Variants in DRAXIN observed in about 807,000 individuals in gnomAD.
DRAXIN encodes dorsal repulsive axon guidance protein.
DRAXIN carries 27 observed loss-of-function variants against 33.9 expected under a neutral mutation model. The ratio of observed to expected loss-of-function variants is 0.80; its 90% CI spans 0.59 to 1.10. DRAXIN has a LOEUF of 1.10. Ranked by LOEUF, DRAXIN falls within the 50% of genes least tolerant of loss-of-function variation. DRAXIN has a pLI of 0.00. For missense variants in DRAXIN, 371 were observed against 460.8 expected (o/e 0.81, Z 1.78); for synonymous variants, 178 against 194.0 (o/e 0.92, Z 0.69).
At chr1:11,699,391 C>G (rs527307262) in intron 1 of DRAXIN, among the ~76,000 whole-genome samples, 3 of 152,240 alleles carry the variant, frequency 2.0e-5, no homozygotes, top group African/African-American at 7.2e-5. Flanking sequence ...CACCTTTAAG[C>G]CCTACTTGCG....
intron 2 of DRAXIN, 120 bp from the exon 3 acceptor site, chr1:11,709,155 A>G: frequency 9.2e-7 from 1 of 1,092,422 alleles, no homozygotes; most frequent in South Asian, 1.8e-5. Context: ...GGCTGAACCA[A>G]GGGCTTGTCA....
chr1:11,693,598 T>C lies in DRAXIN; in HGVS notation c.-11+1745T>C, dbSNP rs185558546. On this transcript the variant is annotated intron_variant, in intron 1 of 6. Transcript: ENST00000294485. ...ACAGCCAGGGCTGGCAACTGGAACC[T>C]TTCTCTTTAGAGGCAAGAACGGCTG... 6.0e-4 allele frequency among the ~76,000 whole-genome samples: 91 copies of C among 152,252 alleles called. 1 individual carries two copies. Among genetic ancestry groups the C allele is most frequent in the South Asian group, 3.5e-3 (17 of 4,824 alleles).
Position 11,696,397 on chromosome 1 carries a change from C to A in DRAXIN, c.-11+4544C>A, listed in dbSNP as rs1004024922. Among the ~76,000 whole-genome samples the A allele has an allele frequency of 6.6e-6, 1 of 152,118 alleles. No individual in the cohort carries two copies. Among genetic ancestry groups the A allele is most frequent in the African/African-American group, 2.4e-5 (1 of 41,432 alleles). ...GGTCAGGAGTTCGAGACCAGCCTGG[C>A]CAAGGTGGTAAAACCCCGTCTCTAC... On this transcript the variant is annotated intron_variant, in intron 1 of 6. Coordinates refer to ENST00000294485, the MANE Select transcript of DRAXIN (RefSeq NM_198545.4). The surrounding 1 kb of genome is among the most constrained non-coding windows in gnomAD (Gnocchi z 4.7).
At chr1:11,712,815 A>G (rs547597281) in intron 5 of DRAXIN, among the ~76,000 whole-genome samples, 1 of 151,972 alleles carries the variant, frequency 6.6e-6, no homozygotes, top group African/African-American at 2.4e-5. Flanking sequence ...AGGAGAATCA[A>G]TCGCTTGAAC....
rs562069625 is a variant in DRAXIN at position 11,716,272 on chromosome 1, G to A, written c.937+1064G>A. Among the ~76,000 whole-genome samples the A allele has an allele frequency of 2.4e-4, 37 of 152,270 alleles. No homozygotes were observed. The East Asian group carries it at 6.6e-3, about 27-fold the overall frequency. On this transcript the variant is annotated intron_variant, in intron 6 of 6. Coordinates refer to ENST00000294485, the MANE Select transcript of DRAXIN (RefSeq NM_198545.4). ...TCACTCTGCTTCAATACCAACTCACGGCCAATCTGTGTCTATCATCTCTCA... is the reference window on the plus strand; with the variant it reads ...TCACTCTGCTTCAATACCAACTCACAGCCAATCTGTGTCTATCATCTCTCA...
rs1162566188 is a variant in DRAXIN at position 11,711,905 on chromosome 1, T to C, written c.697T>C (p.Phe233Leu). Residue 233 changes from phenylalanine (F) to leucine (L), a missense_variant, in exon 4 of 7, where the codon TTC becomes CTC. Transcript: ENST00000294485. ...GATGCCCACGCTGGACATGGCCTTGTTCGACTGGACCGATTATGAAGACTT... is the reference window on the plus strand; with the variant it reads ...GATGCCCACGCTGGACATGGCCTTGCTCGACTGGACCGATTATGAAGACTT... ...EVMPTLDMAL[F>L]DWTDYEDLKP... 6.2e-6 allele frequency: 10 copies of C among 1,614,046 alleles called. No individual in the cohort carries two copies. Among genetic ancestry groups the C allele is most frequent in the Non-Finnish European group, 8.5e-6 (10 of 1,179,982 alleles).
In DRAXIN at chr1:11,706,853, G is replaced by A; in HGVS notation, c.451+144G>A. The A allele has an allele frequency of 1.1e-6, 1 of 944,992 alleles. No individual in the cohort carries two copies. The highest frequency in any genetic ancestry group is 1.5e-6 in the Non-Finnish European group (1 of 655,774). 58.5% of individuals were successfully genotyped at this position (944,992 alleles called of 1,614,324 possible). ...ACTGAAGCCAGAGGGACCTGGTAAG[G>A]GGAGGAGGCTGGGAGAGGCCTGGGG... is the stretch of plus-strand genomic sequence containing the variant. On this transcript the variant is annotated intron_variant, in intron 2 of 6. Coordinates refer to ENST00000294485, the MANE Select transcript of DRAXIN (RefSeq NM_198545.4). This position sits in a 1 kb window ranked among gnomAD's most constrained non-coding sequence, Gnocchi z 5.5.
At chr1:11,709,752 G>C (rs1641447510) in intron 3 of DRAXIN, among the ~76,000 whole-genome samples, 1 of 152,252 alleles carries the variant, frequency 6.6e-6, no homozygotes, top group Non-Finnish European at 1.5e-5. Flanking sequence ...TCTGCATGGA[G>C]AGCAGCAAGG....
At chr1:11,691,244 C>T (rs564425494), upstream of DRAXIN, among the ~76,000 whole-genome samples, 26 of 152,184 alleles carry the variant, frequency 1.7e-4, no homozygotes, top group South Asian at 3.9e-3. Context: ...CTGACAGACG[C>T]GGCCGCAGCT....
chr1:11,714,243 G>T (rs1456437729), intron 5 of DRAXIN, among the ~76,000 whole-genome samples: 2 of 152,114 alleles, frequency 1.3e-5, no homozygotes, highest in Non-Finnish European at 2.9e-5. Flanking sequence ...TTTATTTTGG[G>T]GTGGGCTAGG....
In DRAXIN at chr1:11,705,010, C is replaced by T. The variant is rs114104766; in HGVS notation, c.-10-1239C>T. Among the ~76,000 whole-genome samples, 9,056 of 152,216 alleles carry T rather than the reference C, an allele frequency of 0.059. 322 individuals carry two copies. The highest frequency in any genetic ancestry group is 0.092 in the South Asian group (445 of 4,824). On this transcript the variant is annotated intron_variant, in intron 1 of 6. Coordinates refer to ENST00000294485, the MANE Select transcript of DRAXIN (RefSeq NM_198545.4). The surrounding 1 kb of genome is among the most constrained non-coding windows in gnomAD (Gnocchi z 4.8). ...CTGCCCTACCACCCTCCCTCGGGGT[C>T]GGGGCTAAGGTGACACTGGGGTGGG...
intron 5 of DRAXIN, among the ~76,000 whole-genome samples, chr1:11,713,032 T>C (rs920412552): frequency 2.0e-5 from 3 of 151,954 alleles, no homozygotes; most frequent in African/African-American, 4.8e-5. Context: ...ACCCCGTCTC[T>C]ACTAAAAATA....
At position 11,712,448 on chromosome 1, in the gene DRAXIN, A is replaced by G; in HGVS notation, c.847+19A>G. 6.2e-7 allele frequency: 1 copy of G among 1,613,766 alleles called. No homozygotes were observed. The highest frequency in any genetic ancestry group is 8.5e-7 in the Non-Finnish European group (1 of 1,179,816). On this transcript the variant is annotated intron_variant, in intron 5 of 6. Coordinates refer to ENST00000294485, the MANE Select transcript of DRAXIN (RefSeq NM_198545.4). ...CTGCCAGGTACCAGCCAGCACCCAC[A>G]TTCAAGGCACCAGGCTGGGTACTGG...
chr1:11,691,512 G>C (rs1024866710), upstream of DRAXIN: 1 of 151,996 alleles, frequency 6.6e-6, no homozygotes, highest in African/African-American at 2.4e-5. Flanking sequence ...CGCGGCGGCG[G>C]CGCCTAGGCC....
chr1:11,702,193 TACAC>T (rs1641300754), intron 1 of DRAXIN, among the ~76,000 whole-genome samples: 1 of 143,892 alleles, frequency 6.9e-6, no homozygotes. Context: ...TGCTCACACA[TACAC>T]ACATGCTCAC....
rs905904759 is a variant in DRAXIN at position 11,705,247 on chromosome 1, G to A, written c.-10-1002G>A. 6.6e-6 allele frequency among the ~76,000 whole-genome samples: 1 copy of A among 152,212 alleles called. No individual in the cohort carries two copies. The highest frequency in any genetic ancestry group is 1.5e-5 in the Non-Finnish European group (1 of 68,042). On this transcript the variant is annotated intron_variant, in intron 1 of 6. Coordinates refer to ENST00000294485, the MANE Select transcript of DRAXIN (RefSeq NM_198545.4). The surrounding 1 kb of genome is among the most constrained non-coding windows in gnomAD (Gnocchi z 4.8). Reference sequence around the variant, plus strand: ...AGTGCCTAGCTCCAGGATACAGTGAGGTTGGTGCAATGGAGAGGGGTGCGT... The same window carrying A: ...AGTGCCTAGCTCCAGGATACAGTGAAGTTGGTGCAATGGAGAGGGGTGCGT...
chr1:11,692,024 G>T lies in DRAXIN; in HGVS notation c.-11+171G>T, dbSNP rs956327622. ...AGCCCTCGGACCCGTCTATCCGCCAGTCCTTCCGCCGCCTCCTCTCCTCGC... is the reference window on the plus strand; with the variant it reads ...AGCCCTCGGACCCGTCTATCCGCCATTCCTTCCGCCGCCTCCTCTCCTCGC... On this transcript the variant is annotated intron_variant, in intron 1 of 6. Transcript: ENST00000294485. This position sits in a 1 kb window ranked among gnomAD's most constrained non-coding sequence, Gnocchi z 5.8. 6.6e-6 allele frequency among the ~76,000 whole-genome samples: 1 copy of T among 151,958 alleles called. No individual in the cohort carries two copies. Among genetic ancestry groups the T allele is most frequent in the South Asian group, 2.1e-4 (1 of 4,826 alleles).
rs149744476 is a variant in DRAXIN at position 11,706,431 on chromosome 1, G to A, written c.173G>A (p.Arg58His). Reference protein sequence around the residue: ...ALWTPQASHHRRRGPGKKEWG... With the variant: ...ALWTPQASHHHRRGPGKKEWG... ...TGGACGCCTCAGGCCAGCCACCACCGCCGGCGGGGCCCGGGCAAGAAGGAG... is the reference window on the plus strand; with the variant it reads ...TGGACGCCTCAGGCCAGCCACCACCACCGGCGGGGCCCGGGCAAGAAGGAG... Residue 58 changes from arginine to histidine, a missense_variant, in exon 2 of 7, where the codon CGC (arginine) becomes CAC (histidine). Physicochemically the swap from Arg to His is conservative, Grantham distance 29. Coordinates refer to ENST00000294485, the MANE Select transcript of DRAXIN (RefSeq NM_198545.4). The surrounding 1 kb of genome is among the most constrained non-coding windows in gnomAD (Gnocchi z 5.5). The A allele has an allele frequency of 3.8e-4, 619 of 1,611,836 alleles. 7 individuals carry two copies. In the East Asian group the frequency reaches 0.011, roughly 28 times the overall value.
At chr1:11,690,782 T>G (rs1181931155), upstream of DRAXIN, among the ~76,000 whole-genome samples, 1 of 152,044 alleles carries the variant, frequency 6.6e-6, no homozygotes, top group East Asian at 1.9e-4. This position sits in a 1 kb window ranked among gnomAD's most constrained non-coding sequence, Gnocchi z 4.2. Flanking sequence ...TAACCCAGCA[T>G]TCTCAGACTC....
Sources: gnomAD v4.1 joint callset for allele counts (sites outside exome capture counted in the v4.1 genomes callset) on GRCh38, gnomAD v4.1.1 for gene constraint, Gnocchi (gnomAD v3.1) non-coding constraint, MANE v1.5 for transcripts, NCBI Gene and HGNC (gene_info 2026-07-23, HGNC 2026-07-21) for gene names.